The following NSD1 variants were observed in gnomAD, a reference collection of about 807,000 sequenced individuals.
NSD1 encodes the protein histone-lysine N-methyltransferase, H3 lysine-36 specific.
A neutral mutation model predicts 242.7 loss-of-function variants in NSD1; 26 were observed. The observed-to-expected ratio is 0.11, with a 90% CI of 0.08 to 0.15. The LOEUF (loss-of-function observed/expected upper bound fraction) is 0.15, where lower values mean the gene tolerates loss of function less well. Ranked by LOEUF, NSD1 falls within the 10% of genes least tolerant of loss-of-function variation. The probability of loss-of-function intolerance (pLI) is 1.00; values close to 1 mark genes in which losing one functional copy is unlikely to be tolerated. For missense variants in NSD1, 2,495 were observed against 3,272.8 expected (o/e 0.76, Z 5.80); for synonymous variants, 1,106 against 1,178.1 (o/e 0.94, Z 1.25).
intron 2 of NSD1, among the ~76,000 whole-genome samples, chr5:177,190,405 G>A (rs1209826363): frequency 1.3e-5 from 2 of 151,972 alleles, no homozygotes; most frequent in Admixed American, 1.3e-4. Context: ...TCAGCCTCCC[G>A]AGTAGCTGGG....
rs368227039 is a variant in NSD1, at chr5:177,273,828, A to C, written c.5622+44A>C. ...GGGACCTTCTCTAGAAGAGAAATGG[A>C]ATAGCTGGCTCTTCCCACTCTGTTC... On this transcript the variant is annotated intron_variant, in intron 17 of 22. Transcript: ENST00000439151. 24 of 1,269,388 alleles carry C rather than the reference A, an allele frequency of 1.9e-5. No homozygotes were observed. In the Middle Eastern group the frequency reaches 5.5e-4, roughly 29 times the overall value. The allele number at this position is 1,269,388 out of a possible 1,614,324, so 78.6% of individuals were successfully genotyped here.
chr5:177,265,476 TG>T, intron 14 of NSD1: 1 of 630,566 alleles, frequency 1.6e-6, no homozygotes, highest in African/African-American at 1.8e-5. Flanking sequence ...AAACCTCCTC[TG>T]GGGGAGGGAG....
chr5:177,186,051 A>AT (rs1761182524), intron 2 of NSD1, among the ~76,000 whole-genome samples: 1 of 102,234 alleles, frequency 9.8e-6, no homozygotes, highest in African/African-American at 4.2e-5. Context: ...TATAATATAT[A>AT]ATATAACATA....
In NSD1 at chr5:177,295,425, C is replaced by G. The variant is rs1434226832; in HGVS notation, c.8057C>G (p.Ser2686Cys). ...NTLPALNQAP[S>C]SHKCAESEQK ...CTTCCAGCTCTTAACCAGGCTCCTT[C>G]CAGTCACAAGTGTGCAGAATCAGAA... The change falls in exon 23 of 23, where the codon TCC becomes TGC. Residue 2686 changes from serine (S) to cysteine (C), a missense_variant. Ser to Cys is a moderately radical substitution (Grantham distance 112). This residue lies in a region of NSD1 where 475 missense variants were observed against 563.7 expected (regional missense o/e 0.84). Transcript: ENST00000439151. This position sits in a 1 kb window ranked among gnomAD's most constrained non-coding sequence, Gnocchi z 4.3. 1.9e-6 allele frequency: 3 copies of G among 1,614,188 alleles called. No individual in the cohort carries two copies. Among genetic ancestry groups the G allele is most frequent in the Non-Finnish European group, 2.5e-6 (3 of 1,180,012 alleles).
chr5:177,136,957 T>C (rs1271348876), intron 2 of NSD1: 2 of 698,118 alleles, frequency 2.9e-6, no homozygotes, highest in East Asian at 2.7e-5. Flanking sequence ...ACTACAGTAG[T>C]TTCAGATTTT....
rs1759877179 is a variant in NSD1, at chr5:177,292,026, G to T, written c.6331G>T (p.Gly2111Cys). The T allele has an allele frequency of 6.2e-7, 1 of 1,614,086 alleles. No homozygotes were observed. The highest frequency in any genetic ancestry group is 8.5e-7 in the Non-Finnish European group (1 of 1,180,000). The change falls in exon 22 of 23, where the codon GGT (glycine) becomes TGT (cysteine). Residue 2111 changes from glycine (G) to cysteine (C), a missense_variant. Transcript: ENST00000439151. ...KKQQGKRRTQ[G>C]EITKEREDEC... ...GCAACAGGGAAAGCGCAGGACCCAGGGTGAAATCACAAAGGAGCGAGAAGA... is the reference window on the plus strand; with the variant it reads ...GCAACAGGGAAAGCGCAGGACCCAGTGTGAAATCACAAAGGAGCGAGAAGA...
At chr5:177,225,555 T>C (rs1207476558) in intron 5 of NSD1, among the ~76,000 whole-genome samples, 1 of 151,734 alleles carries the variant, frequency 6.6e-6, no homozygotes, top group Non-Finnish European at 1.5e-5. Flanking sequence ...TTATTTATTT[T>C]CTCCCCTTTT....
At chr5:177,249,294 C>T (rs148710331) in intron 11 of NSD1, among the ~76,000 whole-genome samples, 8 of 152,086 alleles carry the variant, frequency 5.3e-5, no homozygotes, top group South Asian at 4.2e-4. Context: ...GGCAGCACAG[C>T]GAGACCCCTG....
intron 2 of NSD1, among the ~76,000 whole-genome samples, chr5:177,138,308 T>C (rs1562102845): frequency 6.6e-6 from 1 of 152,028 alleles, no homozygotes; most frequent in Non-Finnish European, 1.5e-5. Context: ...CAGGCTGGAG[T>C]GTAGTGGCGC....
At chr5:177,169,648 A>G (rs2149796562) in intron 2 of NSD1, 1 of 152,570 alleles carries the variant, frequency 6.6e-6, no homozygotes, top group Middle Eastern at 3.4e-3. Flanking sequence ...AACCTGAGTA[A>G]GAAAATTGCT....
chr5:177,185,853 T>A (rs1761118303), intron 2 of NSD1, among the ~76,000 whole-genome samples: 1 of 87,522 alleles, frequency 1.1e-5, no homozygotes, highest in Non-Finnish European at 2.0e-5. Flanking sequence ...AAATATATAT[T>A]ATATATTATA....
chr5:177,240,952 G>A (rs958438522), intron 8 of NSD1, among the ~76,000 whole-genome samples: 3 of 152,092 alleles, frequency 2.0e-5, no homozygotes, highest in Admixed American at 6.5e-5. Context: ...CCCAGAGGTC[G>A]AGGCTGCAGT....
chr5:177,191,894 A>G lies in NSD1; in HGVS notation c.938A>G (p.Lys313Arg). 1 of 1,614,152 alleles carries G rather than the reference A, an allele frequency of 6.2e-7. No individual in the cohort carries two copies. The highest frequency in any genetic ancestry group is 8.5e-7 in the Non-Finnish European group (1 of 1,180,004). Reference protein sequence around the residue: ...TSQELPFCQPKKKSTPLKYEV... With the variant: ...TSQELPFCQPRKKSTPLKYEV... ...TTTGTCTGTCTAAAGTGTCAACCTAAGAAAAAGTCTACGCCACTGAAGTAT... is the reference window on the plus strand; with the variant it reads ...TTTGTCTGTCTAAAGTGTCAACCTAGGAAAAAGTCTACGCCACTGAAGTAT... The change falls in exon 3 of 23, where the codon AAG becomes AGG. Residue 313 changes from lysine to arginine, a missense_variant. Physicochemically the swap from Lys to Arg is conservative, Grantham distance 26. Coordinates refer to ENST00000439151, the MANE Select transcript of NSD1 (RefSeq NM_022455.5).
In NSD1 at chr5:177,210,551, A is replaced by G. The variant is rs755176533; in HGVS notation, c.2152A>G (p.Ser718Gly). 2.5e-6 allele frequency: 4 copies of G among 1,614,204 alleles called. No individual in the cohort carries two copies. The highest frequency in any genetic ancestry group is 3.4e-6 in the Non-Finnish European group (4 of 1,180,036). Residue 718 changes from serine (S) to glycine (G), a missense_variant, in exon 5 of 23, where the codon AGT becomes GGT. By Grantham distance (56) the Ser-to-Gly change is moderately conservative. Transcript: ENST00000439151. ...AGACCACTTAATGGGTTGTACTAAG[A>G]GTGCAGAGCCTGGAACCGAGACGTC... ...HTDHLMGCTK[S>G]AEPGTETSQV... is the part of the protein sequence containing the mutation.
At position 177,267,900 on chromosome 5, in the gene NSD1, A is replaced by C. The variant is rs1757628376; in HGVS notation, c.5303+182A>C. Among the ~76,000 whole-genome samples the C allele has an allele frequency of 3.3e-5, 5 of 151,804 alleles. 1 individual carries two copies. The Middle Eastern group carries it at 0.01, about 310-fold the overall frequency. On this transcript the variant is annotated intron_variant, in intron 15 of 22. Coordinates refer to ENST00000439151, the MANE Select transcript of NSD1 (RefSeq NM_022455.5). ...AACTTTATGATTTACAATTATAGGA[A>C]TAATACATGTTCTCTGTCGAAATTT...
chr5:177,199,989 C>A (rs946937216), intron 3 of NSD1, among the ~76,000 whole-genome samples: 3 of 152,160 alleles, frequency 2.0e-5, no homozygotes, highest in East Asian at 1.9e-4. Context: ...CCTCAACTTA[C>A]AATGGGGATA....
At position 177,235,811 on chromosome 5, in the gene NSD1, C is replaced by A. The variant is rs1374069731; in HGVS notation, c.3797-10C>A. The A allele has an allele frequency of 6.2e-7, 1 of 1,613,794 alleles. No individual in the cohort carries two copies. Among genetic ancestry groups the A allele is most frequent in the Non-Finnish European group, 8.5e-7 (1 of 1,179,854 alleles). ...TTTGATTAATGTTGAATTTGTTTAT[C>A]ATCTTTTAGCTGTGCGGTCAGAGAA... is the stretch of plus-strand genomic sequence containing the variant. On this transcript the variant is annotated splice_polypyrimidine_tract_variant and intron_variant, in intron 5 of 22. Transcript: ENST00000439151.
At chr5:177,227,789 A>G (rs1443513124) in intron 5 of NSD1, among the ~76,000 whole-genome samples, 1 of 152,080 alleles carries the variant, frequency 6.6e-6, no homozygotes, top group African/African-American at 2.4e-5. Context: ...TGGAACAGAA[A>G]GCAGAAAGTT....
At chr5:177,140,272 T>TTTGG (rs1434548238) in intron 2 of NSD1, among the ~76,000 whole-genome samples, 1 of 152,224 alleles carries the variant, frequency 6.6e-6, no homozygotes, top group East Asian at 1.9e-4. Flanking sequence ...TGAGACAGGC[T>TTTGG]AGGTGCTTTG....
Sources: allele counts gnomAD v4.1 joint callset (sites outside exome capture counted in the v4.1 genomes callset), GRCh38; gene constraint gnomAD v4.1.1; regional missense constraint gnomAD v4.1.1; non-coding constraint Gnocchi (gnomAD v3.1); transcripts MANE v1.5; gene names NCBI Gene and HGNC (gene_info 2026-07-23, HGNC 2026-07-21).